PTPRT: variants seen among roughly 807,000 people sequenced by gnomAD.
PTPRT encodes receptor-type tyrosine-protein phosphatase T.
A neutral mutation model predicts 176.8 loss-of-function variants in PTPRT; 56 were observed. The observed-to-expected ratio is 0.32, with a 90% CI of 0.26 to 0.40. PTPRT has a LOEUF of 0.40. Ranked by LOEUF, PTPRT falls within the 10% of genes least tolerant of loss-of-function variation. The pLI is 1.00. For synonymous variants in PTPRT, 783 were observed against 739.0 expected (o/e 1.06, Z -0.96); for missense variants, 1,540 against 1,908.2 (o/e 0.81, Z 3.60).
intron 9 of PTPRT, among the ~76,000 whole-genome samples, chr20:42,415,859 A>G (rs2059061585): frequency 6.6e-6 from 1 of 152,200 alleles, no homozygotes; most frequent in Admixed American, 6.5e-5. Flanking sequence ...ATGACTAAGA[A>G]AAATGAACAT....
chr20:42,753,139 G>T (rs1283903127), intron 6 of PTPRT, among the ~76,000 whole-genome samples: 2 of 152,054 alleles, frequency 1.3e-5, no homozygotes, highest in Non-Finnish European at 2.9e-5. Flanking sequence ...CACTGCTCAT[G>T]ACATTGTGGC....
intron 2 of PTPRT, among the ~76,000 whole-genome samples, chr20:42,816,553 G>A (rs923275633): frequency 6.6e-6 from 1 of 152,188 alleles, no homozygotes; most frequent in Non-Finnish European, 1.5e-5. Flanking sequence ...GGAGGTGACT[G>A]GATCAGAGGG....
At chr20:42,117,254 G>A (rs756024236) in intron 21 of PTPRT, among the ~76,000 whole-genome samples, 10 of 152,088 alleles carry the variant, frequency 6.6e-5, no homozygotes, top group African/African-American at 1.2e-4. Flanking sequence ...TCCCATCGTC[G>A]CAGAGGCCAG....
downstream of PTPRT, among the ~76,000 whole-genome samples, chr20:42,068,708 C>T (rs1006523134): frequency 3.9e-5 from 6 of 152,224 alleles, no homozygotes; most frequent in African/African-American, 1.4e-4. Context: ...CTCATTTCAG[C>T]TTCTTGTGTC....
intron 1 of PTPRT, among the ~76,000 whole-genome samples, chr20:42,956,110 G>T (rs377429478): frequency 3.1e-4 from 47 of 152,284 alleles, no homozygotes; most frequent in African/African-American, 1.1e-3. Flanking sequence ...TGACACTCAA[G>T]CTCCTCCATG....
chr20:43,103,129 T>G (rs2012460584), intron 1 of PTPRT, among the ~76,000 whole-genome samples: 1 of 151,912 alleles, frequency 6.6e-6, no homozygotes, highest in African/African-American at 2.4e-5. Context: ...CAAAAACCCA[T>G]GCACCTGCCC....
chr20:42,197,284 C>A (rs1991263192), intron 16 of PTPRT, among the ~76,000 whole-genome samples: 1 of 140,934 alleles, frequency 7.1e-6, no homozygotes, highest in African/African-American at 2.7e-5. Flanking sequence ...GAGGCTGAGG[C>A]AGGAGAATGG....
At chr20:42,619,711 C>T (rs1369254302) in intron 7 of PTPRT, among the ~76,000 whole-genome samples, 2 of 136,098 alleles carry the variant, frequency 1.5e-5, no homozygotes, top group East Asian at 2.0e-4. Context: ...TTGCTGATGC[C>T]CTTTCTTCCA....
At chr20:42,437,905 G>A (rs2059276616) in intron 9 of PTPRT, among the ~76,000 whole-genome samples, 1 of 152,184 alleles carries the variant, frequency 6.6e-6, no homozygotes, top group South Asian at 2.1e-4. Context: ...GCAAATTCAT[G>A]CTGCATTGCC....
chr20:42,853,797 C>T (rs2078516344), intron 2 of PTPRT, among the ~76,000 whole-genome samples: 1 of 152,184 alleles, frequency 6.6e-6, no homozygotes, highest in East Asian at 1.9e-4. Context: ...ACCTTGTATA[C>T]GTTTTCCTCA....
chr20:43,091,074 T>C (rs1414513703), intron 1 of PTPRT, among the ~76,000 whole-genome samples: 1 of 151,966 alleles, frequency 6.6e-6, no homozygotes, highest in East Asian at 1.9e-4. Context: ...CTACTAAAAA[T>C]ACAAAAATAA....
At chr20:42,522,356 G>A (rs1301412983) in intron 7 of PTPRT, among the ~76,000 whole-genome samples, 9 of 151,392 alleles carry the variant, frequency 5.9e-5, no homozygotes, top group Admixed American at 5.9e-4. Context: ...TTGTTGTTGT[G>A]TCTCATATCA....
At chr20:42,934,155 C>T (rs948192585) in intron 1 of PTPRT, among the ~76,000 whole-genome samples, 8 of 152,216 alleles carry the variant, frequency 5.3e-5, no homozygotes, top group South Asian at 2.1e-4. Flanking sequence ...CTCATTACGG[C>T]GTTGCTAACA....
Position 43,046,543 on chromosome 20 carries a change from CAAA to C in PTPRT, c.88+143100_88+143102del, listed in dbSNP as rs3092687. Reference sequence around the variant, plus strand: ...TGGGTAACAGAGCGAGTCTCTGTCTCAAAAAAAAAAAAAATGGTTACTGAAAGC... The same window carrying C: ...TGGGTAACAGAGCGAGTCTCTGTCTCAAAAAAAAAAATGGTTACTGAAAGC... On this transcript the variant is annotated intron_variant, in intron 1 of 30. Coordinates refer to ENST00000373187, the MANE Select transcript of PTPRT (RefSeq NM_007050.6). Among the ~76,000 whole-genome samples, 978 of 140,594 alleles carry C rather than the reference CAAA, an allele frequency of 7.0e-3. 8 individuals are homozygous for C. The highest frequency in any genetic ancestry group is 0.024 in the African/African-American group (951 of 38,922). The allele number at this position is 140,594 out of a possible 152,430, so 92.2% of individuals were successfully genotyped here.
chr20:42,648,528 G>A (rs925439355), intron 7 of PTPRT, among the ~76,000 whole-genome samples: 44 of 152,102 alleles, frequency 2.9e-4, no homozygotes, highest in African/African-American at 1.0e-3. Context: ...CCCACATGAA[G>A]AGTTGCCCTA....
At chr20:42,330,227 T>C (rs2057948222) in intron 11 of PTPRT, among the ~76,000 whole-genome samples, 1 of 152,130 alleles carries the variant, frequency 6.6e-6, no homozygotes, top group Admixed American at 6.6e-5. Context: ...TCCCAGCACT[T>C]TGGGAGGCTG....
chr20:42,134,602 C>T (rs1988283217), intron 18 of PTPRT, among the ~76,000 whole-genome samples: 1 of 152,130 alleles, frequency 6.6e-6, no homozygotes, highest in South Asian at 2.1e-4. Context: ...CTGTTCCTTG[C>T]TTGAGGTCAA....
intron 1 of PTPRT, among the ~76,000 whole-genome samples, chr20:42,949,306 C>T (rs1981083197): frequency 6.6e-6 from 1 of 152,164 alleles, no homozygotes; most frequent in Non-Finnish European, 1.5e-5. Flanking sequence ...GAGCCTAGGT[C>T]ATAATAAACT....
intron 7 of PTPRT, among the ~76,000 whole-genome samples, chr20:42,568,569 C>G (rs1332534203): frequency 6.6e-6 from 1 of 152,164 alleles, no homozygotes; most frequent in Non-Finnish European, 1.5e-5. Context: ...AATTCAATTT[C>G]TTCCATGCCC....
Sources: allele counts gnomAD v4.1 joint callset (sites outside exome capture counted in the v4.1 genomes callset), GRCh38; gene constraint gnomAD v4.1.1; transcripts MANE v1.5; gene names NCBI Gene and HGNC (gene_info 2026-07-23, HGNC 2026-07-21).